LRP6: variants seen among roughly 807,000 people sequenced by gnomAD.
The protein encoded by LRP6 is LDL receptor related protein 6, also known as low-density lipoprotein receptor-related protein 6.
Under a neutral mutation model 184.1 loss-of-function variants are expected in LRP6, and 43 were observed. The observed-to-expected ratio is 0.23, with a 90% confidence interval of 0.18 to 0.30. The LOEUF is 0.30. LRP6 is among the 10% of genes least tolerant of loss of function. The pLI is 1.00. For missense variants in LRP6, 1,571 were observed against 2,005.3 expected, an observed-to-expected ratio of 0.78 and a Z score of 4.14; for synonymous variants, 719 against 684.9, an observed-to-expected ratio of 1.05 and a Z score of -0.78.
In LRP6 at chr12:12,124,574, C is replaced by G. The variant is rs776303998; in HGVS notation, c.4538G>C (p.Arg1513Thr). The change falls in exon 22 of 23, where the codon AGG becomes ACG. Residue 1513 changes from arginine to threonine, a missense_variant. Physicochemically the swap from Arg to Thr is moderately conservative, Grantham distance 71. Around this residue, in one of 4 missense-constraint regions of LRP6, gnomAD observed 763 missense variants for 859.5 expected, o/e 0.89. Transcript: ENST00000261349. ...GAAGGATGTGTATTACCTGTATGAC[C>G]TATGAGTGGAAGGACTGTTTGAAGA... is the stretch of plus-strand genomic sequence containing the variant. ...GYSSNSPSTH[R>T]SYSYRPYSYR... is the part of the protein sequence containing the mutation. 2 of 1,605,620 alleles carry G rather than the reference C, an allele frequency of 1.2e-6. No homozygotes were observed. Among genetic ancestry groups the G allele is most frequent in the South Asian group, 2.2e-5 (2 of 90,896 alleles).
chr12:12,135,290 A>C lies in LRP6; in HGVS notation c.3618T>G (p.Pro1206=). Residue 1206 remains proline (P), a synonymous_variant, in exon 17 of 23, where the codon CCT becomes CCG. Transcript: ENST00000261349. ...ELNLQEYRQH[P]CAQDNGGCSH... is the part of the protein sequence containing the mutation. ...AACAGCCACCATTATCCTGAGCACAAGGGTGCTGTCCTGCAAAGAGAAGAG... is the reference window on the plus strand; with the variant it reads ...AACAGCCACCATTATCCTGAGCACACGGGTGCTGTCCTGCAAAGAGAAGAG... The C allele has an allele frequency of 3.8e-6, 6 of 1,571,886 alleles. No individual in the cohort carries two copies. The highest frequency in any genetic ancestry group is 5.2e-6 in the Non-Finnish European group (6 of 1,152,572).
chr12:12,159,753 G>C (rs986012384), intron 11 of LRP6, 27 bp downstream of exon 11: 15 of 1,603,164 alleles, frequency 9.4e-6, no homozygotes, highest in Non-Finnish European at 1.3e-5. Flanking sequence ...AGAATATACT[G>C]TTTGAGTAAA....
intron 8 of LRP6, among the ~76,000 whole-genome samples, 159 bp downstream of exon 8, chr12:12,164,920 A>AAAAAAAAAAAAAAAAAAAAAAAAAAAAAC (rs1862836085): frequency 5.0e-5 from 1 of 19,866 alleles, no homozygotes; most frequent in Non-Finnish European, 8.8e-5. Context: ...CCTTCTCAGT[A>AAAAAAAAAAAAAAAAAAAAAAAAAAAAAC]AAAAAAAAAA....
intron 14 of LRP6, among the ~76,000 whole-genome samples, chr12:12,147,862 C>G (rs1288155003): frequency 6.6e-6 from 1 of 151,870 alleles, no homozygotes; most frequent in Admixed American, 6.6e-5. Flanking sequence ...GTAGTCCCAG[C>G]TACTTGGAAG....
In LRP6 at chr12:12,255,566, C is replaced by CTT. The variant is rs749441005; in HGVS notation, c.56-10913_56-10912dup. Among the ~76,000 whole-genome samples, 753 of 114,072 alleles carry CTT rather than the reference C, an allele frequency of 6.6e-3. 7 individuals carry two copies. The highest frequency in any genetic ancestry group is 7.9e-3 in the African/African-American group (222 of 28,244). 74.8% of individuals were successfully genotyped at this position (114,072 alleles called of 152,430 possible). On this transcript the variant is annotated intron_variant, in intron 1 of 22. Transcript: ENST00000261349. Reference sequence around the variant, plus strand: ...TTGTTTTTGCTTTTGGGTTTGGTCACTTTTTTTTTTTTTTTTTTTTTTGAG... The same window carrying CTT: ...TTGTTTTTGCTTTTGGGTTTGGTCACTTTTTTTTTTTTTTTTTTTTTTTTGAG...
chr12:12,235,005 T>C (rs1322982864), intron 2 of LRP6, among the ~76,000 whole-genome samples: 1 of 151,028 alleles, frequency 6.6e-6, no homozygotes, highest in Non-Finnish European at 1.5e-5. Context: ...AAAAAGGGGG[T>C]AGGAGATGGG....
At chr12:12,206,398 C>T (rs1864057349) in intron 2 of LRP6, among the ~76,000 whole-genome samples, 1 of 151,862 alleles carries the variant, frequency 6.6e-6, no homozygotes, top group Admixed American at 6.6e-5. Context: ...AAAAAATTAG[C>T]CAGGCGTGGT....
intron 4 of LRP6, among the ~76,000 whole-genome samples, chr12:12,185,891 C>T (rs538308360): frequency 6.7e-6 from 1 of 148,306 alleles, no homozygotes; most frequent in East Asian, 2.0e-4. Context: ...GTTGCCCAGG[C>T]TGAAAGTGCA....
chr12:12,203,451 A>T, intron 2 of LRP6, 51 bp from the exon 3 acceptor site: 1 of 1,393,974 alleles, frequency 7.2e-7, no homozygotes, highest in East Asian at 2.3e-5. Context: ...TATCAATCAA[A>T]TACTCTGTAA....
Position 12,125,354 on chromosome 12 carries a change from T to A in LRP6, c.4391A>T (p.His1464Leu). The A allele has an allele frequency of 6.2e-7, 1 of 1,614,070 alleles. No homozygotes were observed. The highest frequency in any genetic ancestry group is 8.5e-7 in the Non-Finnish European group (1 of 1,179,984). The change falls in exon 21 of 23, where the codon CAT becomes CTT. Residue 1464 changes from histidine to leucine, a missense_variant. This residue lies in a region of LRP6 where 763 missense variants were observed against 859.5 expected (regional missense o/e 0.89). Coordinates refer to ENST00000261349, the MANE Select transcript of LRP6 (RefSeq NM_002336.3). ...ACTACTTGATGATGCTCCTGTAACATGGGCTCGGTCATAGGGGGGTCCACT... is the reference window on the plus strand; with the variant it reads ...ACTACTTGATGATGCTCCTGTAACAAGGGCTCGGTCATAGGGGGGTCCACT... Reference protein sequence around the residue: ...GSSGPPYDRAHVTGASSSSSS... With the variant: ...GSSGPPYDRALVTGASSSSSS...
At chr12:12,186,530 T>C (rs2137003724) in intron 4 of LRP6, among the ~76,000 whole-genome samples, 1 of 151,002 alleles carries the variant, frequency 6.6e-6, no homozygotes, top group South Asian at 2.1e-4. Flanking sequence ...AGGTGCACAC[T>C]ACCACACCCC....
chr12:12,192,073 G>GCA (rs1863633244), intron 3 of LRP6, among the ~76,000 whole-genome samples: 5 of 151,868 alleles, frequency 3.3e-5, no homozygotes, highest in Non-Finnish European at 7.4e-5. Flanking sequence ...ACAGACATAA[G>GCA]ATTGTATAAA....
chr12:12,252,104 C>CA (rs1352390772), intron 1 of LRP6, among the ~76,000 whole-genome samples: 1 of 152,202 alleles, frequency 6.6e-6, no homozygotes, highest in Non-Finnish European at 1.5e-5. Context: ...AGGCTGGTCT[C>CA]AAACTCCTGA....
rs1863337025 is a variant in LRP6 at position 12,181,255 on chromosome 12, T to C, written c.1161A>G (p.Ser387=). The stretch of plus-strand genomic sequence containing the variant: ...ACTGACTGCCAGATCCATCTATAAA[T>C]GAACGGCGTATGGCCCTCACTTCAT... ...TDDEVRAIRR[S]FIDGSGSQFV... is the part of the protein sequence containing the mutation. The change falls in exon 6 of 23, where the codon TCA becomes TCG. Residue 387 remains serine (S), a synonymous_variant. Coordinates refer to ENST00000261349, the MANE Select transcript of LRP6 (RefSeq NM_002336.3). The C allele has an allele frequency of 6.2e-7, 1 of 1,614,064 alleles. No individual in the cohort carries two copies. The highest frequency in any genetic ancestry group is 1.1e-5 in the South Asian group (1 of 91,092).
chr12:12,121,311 C>T lies in LRP6; in HGVS notation c.4657G>A (p.Ala1553Thr), dbSNP rs369248082. 7.4e-6 allele frequency: 12 copies of T among 1,614,046 alleles called. No individual in the cohort carries two copies. Among genetic ancestry groups the T allele is most frequent in the Non-Finnish European group, 1.0e-5 (12 of 1,180,040 alleles). The change falls in exon 23 of 23, where the codon GCC (alanine) becomes ACC (threonine). Residue 1553 changes from alanine to threonine, a missense_variant. Physicochemically the swap from Ala to Thr is moderately conservative, Grantham distance 58 (BLOSUM62 0). This residue lies in a region of LRP6 where 763 missense variants were observed against 859.5 expected (regional missense o/e 0.89). Coordinates refer to ENST00000261349, the MANE Select transcript of LRP6 (RefSeq NM_002336.3). ...PSRRMTSVAT[A>T]KGYTSDLNYD... ...TTCAAGTCACTGGTATAGCCCTTGG[C>T]TGTTGCCACTGAGGTCATTCTCCGA...
At chr12:12,179,377 TATA>T (rs1863281170) in intron 7 of LRP6, among the ~76,000 whole-genome samples, 1 of 57,770 alleles carries the variant, frequency 1.7e-5, no homozygotes, top group Non-Finnish European at 4.5e-5. Context: ...TAGATATAGA[TATA>T]GATATAGATA....
At position 12,174,242 on chromosome 12, in the gene LRP6, G is replaced by A. The variant is rs556161607; in HGVS notation, c.1545+5568C>T. 5.9e-5 allele frequency among the ~76,000 whole-genome samples: 9 copies of A among 152,040 alleles called. No homozygotes were observed. The South Asian group carries it at 1.7e-3, about 28-fold the overall frequency. The stretch of plus-strand genomic sequence containing the variant: ...TTTTCCTGCCTCAGCCTCCTAAATA[G>A]CTGGGATTACAGGCGCATGCCACCA... On this transcript the variant is annotated intron_variant, in intron 7 of 22. Transcript: ENST00000261349.
At chr12:12,177,922 GAA>G (rs918669244) in intron 7 of LRP6, among the ~76,000 whole-genome samples, 1 of 151,880 alleles carries the variant, frequency 6.6e-6, no homozygotes, top group Admixed American at 6.6e-5. Flanking sequence ...ACGAATGAAT[GAA>G]AAAAATTAAA....
At chr12:12,263,309 C>G (rs1865671079) in intron 1 of LRP6, among the ~76,000 whole-genome samples, 1 of 149,600 alleles carries the variant, frequency 6.7e-6, no homozygotes, top group South Asian at 2.1e-4. Flanking sequence ...GGCGTGGTGG[C>G]TCACGCCTGT....
Sources: allele counts gnomAD v4.1 joint callset (sites outside exome capture counted in the v4.1 genomes callset), GRCh38; gene constraint gnomAD v4.1.1; regional missense constraint gnomAD v4.1.1; transcripts MANE v1.5; gene names NCBI Gene and HGNC (gene_info 2026-07-23, HGNC 2026-07-21).